BMERB1: variants seen among roughly 807,000 people sequenced by gnomAD.
BMERB1 encodes the protein bMERB domain-containing protein 1.
BMERB1 carries 12 observed loss-of-function variants against 23.6 expected under a neutral mutation model. The ratio of observed to expected loss-of-function variants is 0.51; its 90% CI spans 0.33 to 0.82. The LOEUF (loss-of-function observed/expected upper bound fraction) is 0.82. BMERB1 is among the 40% of genes least tolerant of loss of function. The pLI is 0.03. For missense variants in BMERB1, 247 were observed against 255.4 expected, an observed-to-expected ratio of 0.97 and a Z score of 0.22; for synonymous variants, 122 against 96.6, an observed-to-expected ratio of 1.26 and a Z score of -1.54.
intron 2 of BMERB1, among the ~76,000 whole-genome samples, chr16:15,560,152 CCTG>C (rs1226063486): frequency 6.6e-6 from 1 of 152,138 alleles, no homozygotes; most frequent in African/African-American, 2.4e-5. Context: ...TTGATGGAGT[CCTG>C]CAGCGTGAAT....
chr16:15,532,544 C>CTTT (rs58964968), intron 2 of BMERB1, among the ~76,000 whole-genome samples: 23 of 91,834 alleles, frequency 2.5e-4, no homozygotes, highest in Non-Finnish European at 3.5e-4. Context: ...TTTTCTTTTT[C>CTTT]TTTTTTTTTT....
At chr16:15,555,744 A>T (rs535685435) in intron 2 of BMERB1, among the ~76,000 whole-genome samples, 1 of 152,312 alleles carries the variant, frequency 6.6e-6, no homozygotes, top group African/African-American at 2.4e-5. Context: ...GATGCTGAGA[A>T]ATTGCTGAGG....
chr16:15,510,026 G>A (rs754048351), intron 1 of BMERB1, among the ~76,000 whole-genome samples: 23 of 152,208 alleles, frequency 1.5e-4, no homozygotes, highest in Non-Finnish European at 2.5e-4. Flanking sequence ...GGCAAAAACC[G>A]TAATTACTTT....
intron 1 of BMERB1, among the ~76,000 whole-genome samples, chr16:15,445,822 C>A (rs951787811): frequency 3.9e-5 from 6 of 152,158 alleles, no homozygotes; most frequent in Non-Finnish European, 5.9e-5. Context: ...AATATTTGTA[C>A]ACAAATGTTC....
chr16:15,538,533 C>T (rs2052049155), intron 2 of BMERB1, among the ~76,000 whole-genome samples: 1 of 152,066 alleles, frequency 6.6e-6, no homozygotes, highest in Non-Finnish European at 1.5e-5. Flanking sequence ...GCTACTGTTC[C>T]ATGTCTTCAA....
At chr16:15,473,073 T>G (rs2150932402) in intron 1 of BMERB1, among the ~76,000 whole-genome samples, 1 of 152,230 alleles carries the variant, frequency 6.6e-6, no homozygotes, top group Non-Finnish European at 1.5e-5. Context: ...TTGGCCAGGC[T>G]GGTCTCAAAC....
At chr16:15,497,624 G>A (rs186470206) in intron 1 of BMERB1, among the ~76,000 whole-genome samples, 1 of 152,306 alleles carries the variant, frequency 6.6e-6, no homozygotes, top group African/African-American at 2.4e-5. Flanking sequence ...CTAAGTTTGT[G>A]TTTATTTGTA....
intron 1 of BMERB1, among the ~76,000 whole-genome samples, chr16:15,461,445 C>T (rs921471482): frequency 1.3e-5 from 2 of 152,150 alleles, no homozygotes; most frequent in Admixed American, 1.3e-4. Context: ...CACACGCCCT[C>T]CACTCACCTC....
intron 2 of BMERB1, among the ~76,000 whole-genome samples, chr16:15,549,017 T>C (rs1055775091): frequency 6.6e-6 from 1 of 152,082 alleles, no homozygotes; most frequent in African/African-American, 2.4e-5. Flanking sequence ...AAGAGTTTTT[T>C]CCTTCAGTCC....
intron 2 of BMERB1, among the ~76,000 whole-genome samples, chr16:15,549,253 T>A (rs1313964569): frequency 6.6e-6 from 1 of 150,934 alleles, no homozygotes; most frequent in Non-Finnish European, 1.5e-5. Context: ...CCAGAGGAAT[T>A]GCTTGAACCC....
intron 1 of BMERB1, among the ~76,000 whole-genome samples, chr16:15,513,383 C>T (rs778469289): frequency 6.6e-6 from 1 of 151,878 alleles, no homozygotes; most frequent in Non-Finnish European, 1.5e-5. Flanking sequence ...ATGCTGCTGC[C>T]GAGGAAGACC....
At chr16:15,576,192 C>T (rs768527994) in intron 3 of BMERB1, among the ~76,000 whole-genome samples, 3 of 151,882 alleles carry the variant, frequency 2.0e-5, no homozygotes, top group Non-Finnish European at 2.9e-5. Flanking sequence ...TACAGGCGCC[C>T]GCCACCATGC....
At chr16:15,508,585 G>A (rs1408732104) in intron 1 of BMERB1, among the ~76,000 whole-genome samples, 1 of 152,042 alleles carries the variant, frequency 6.6e-6, no homozygotes, top group Non-Finnish European at 1.5e-5. Flanking sequence ...CGCTTTGGGA[G>A]GCTGAGATGG....
chr16:15,536,645 A>G (rs1159104672), intron 2 of BMERB1: 1 of 152,162 alleles, frequency 6.6e-6, no homozygotes, highest in African/African-American at 2.4e-5. Flanking sequence ...ACATCCCCCC[A>G]TGCTTCCGCG....
intron 1 of BMERB1, among the ~76,000 whole-genome samples, chr16:15,481,381 G>C (rs982074751): frequency 6.6e-6 from 1 of 152,096 alleles, no homozygotes; most frequent in African/African-American, 2.4e-5. Flanking sequence ...AAAAAAATTA[G>C]CTGGGTGTGG....
chr16:15,554,660 ATTCTTTTTTTT>A (rs1055678750), intron 2 of BMERB1, among the ~76,000 whole-genome samples: 2 of 109,352 alleles, frequency 1.8e-5, no homozygotes, highest in East Asian at 2.3e-4. Flanking sequence ...AGGACCAAGT[ATTCTTTTTTTT>A]TTCTTTTTTT....
intron 2 of BMERB1, among the ~76,000 whole-genome samples, chr16:15,549,393 A>C (rs1887487960): frequency 6.7e-6 from 1 of 148,322 alleles, no homozygotes; most frequent in South Asian, 2.2e-4. Context: ...TAAAATTCTT[A>C]AACAGGGCCG....
chr16:15,458,609 T>TG (rs1310610933), intron 1 of BMERB1, among the ~76,000 whole-genome samples: 2 of 149,724 alleles, frequency 1.3e-5, no homozygotes, highest in Non-Finnish European at 3.0e-5. Flanking sequence ...TCCAGCTACT[T>TG]GGGGGGCTGA....
intron 2 of BMERB1, among the ~76,000 whole-genome samples, chr16:15,549,703 A>AGG (rs1335570638): frequency 6.6e-6 from 1 of 151,930 alleles, no homozygotes; most frequent in Admixed American, 6.6e-5. Context: ...ATTCCTAAAC[A>AGG]GGAGGGGCTT....
Sources: gnomAD v4.1 joint callset for allele counts (sites outside exome capture counted in the v4.1 genomes callset) on GRCh38, gnomAD v4.1.1 for gene constraint, MANE v1.5 for transcripts, NCBI Gene and HGNC (gene_info 2026-07-23, HGNC 2026-07-21) for gene names.